CPNE8: variants seen among roughly 807,000 people sequenced by gnomAD.
CPNE8 encodes the protein copine-8.
In CPNE8, 45 loss-of-function variants were observed where a neutral mutation model predicts 81.5. The ratio of observed to expected loss-of-function variants is 0.55; its 90% CI spans 0.44 to 0.71. The LOEUF (loss-of-function observed/expected upper bound fraction) is 0.71. CPNE8 is among the 30% of genes least tolerant of loss of function. CPNE8 has a pLI of 0.00. For missense variants in CPNE8, 594 were observed against 672.1 expected (o/e 0.88, Z 1.28); for synonymous variants, 252 against 226.3 (o/e 1.11, Z -1.02).
At chr12:38,675,481 T>C (rs534978948) in intron 18 of CPNE8, among the ~76,000 whole-genome samples, 6 of 152,316 alleles carry the variant, frequency 3.9e-5, no homozygotes, top group African/African-American at 1.2e-4. Context: ...AAATAATCTA[T>C]AAACTAGAGA....
At chr12:38,762,324 G>A (rs569021094) in intron 8 of CPNE8, 108 bp from the exon 9 acceptor site, 221 of 472,396 alleles carry the variant, frequency 4.7e-4, no homozygotes, top group East Asian at 6.5e-4. Flanking sequence ...AGTCAGTTCC[G>A]CTGTTGCTGC....
intron 13 of CPNE8, among the ~76,000 whole-genome samples, chr12:38,709,788 C>G (rs576712907): frequency 6.6e-6 from 1 of 152,220 alleles, no homozygotes; most frequent in Non-Finnish European, 1.5e-5. Flanking sequence ...AATAAGGTAC[C>G]AATCTGTTCA....
chr12:38,778,774 C>A (rs1008536448), intron 6 of CPNE8, among the ~76,000 whole-genome samples: 1 of 152,160 alleles, frequency 6.6e-6, no homozygotes. Context: ...GCAATATTCA[C>A]GACATAAACC....
At chr12:38,855,716 T>C (rs892220665) in intron 3 of CPNE8, among the ~76,000 whole-genome samples, 2 of 152,096 alleles carry the variant, frequency 1.3e-5, no homozygotes, top group African/African-American at 2.4e-5. Flanking sequence ...AAGACAAAAT[T>C]TTAAATGTTT....
chr12:38,786,746 A>T (rs1014679941), intron 6 of CPNE8, among the ~76,000 whole-genome samples: 1 of 152,190 alleles, frequency 6.6e-6, no homozygotes, highest in African/African-American at 2.4e-5. Flanking sequence ...GAGACAAAGA[A>T]GGTCACTATA....
At chr12:38,735,111 G>T (rs1378785516) in intron 10 of CPNE8, among the ~76,000 whole-genome samples, 1 of 151,974 alleles carries the variant, frequency 6.6e-6, no homozygotes. Context: ...TTTTCTCATG[G>T]GGAACAACAC....
At chr12:38,888,775 C>A (rs1381349644) in intron 1 of CPNE8, among the ~76,000 whole-genome samples, 1 of 151,782 alleles carries the variant, frequency 6.6e-6, no homozygotes, top group South Asian at 2.1e-4. Flanking sequence ...CCTAAAAAAA[C>A]CACTGAATGA....
chr12:38,716,016 A>C (rs1330349225), intron 13 of CPNE8, among the ~76,000 whole-genome samples: 3 of 152,120 alleles, frequency 2.0e-5, no homozygotes, highest in Non-Finnish European at 2.9e-5. Context: ...GCTGAGAATC[A>C]TATCAAGAAC....
chr12:38,672,008 T>C (rs533922413), intron 18 of CPNE8, among the ~76,000 whole-genome samples: 1 of 152,294 alleles, frequency 6.6e-6, no homozygotes, highest in South Asian at 2.1e-4. Context: ...ATATAACTCA[T>C]TATGTTCAAA....
At chr12:38,741,752 A>G (rs1226250967) in intron 10 of CPNE8, among the ~76,000 whole-genome samples, 1 of 152,182 alleles carries the variant, frequency 6.6e-6, no homozygotes, top group African/African-American at 2.4e-5. Flanking sequence ...AGAATGGGAG[A>G]AAATTTTTGC....
Position 38,766,366 on chromosome 12 carries a change from AT to A in CPNE8, c.575+1268del, listed in dbSNP as rs201827028. Among the ~76,000 whole-genome samples, 878 of 152,248 alleles carry A rather than the reference AT, an allele frequency of 5.8e-3. 4 individuals carry two copies. Among genetic ancestry groups the A allele is most frequent in the Middle Eastern group, 0.01 (3 of 294 alleles). On this transcript the variant is annotated intron_variant, in intron 8 of 19. Coordinates refer to ENST00000331366, the MANE Select transcript of CPNE8 (RefSeq NM_153634.3). ...AGAATCATTCTTGAGGTTTTCCTCTATTTTCGAAATGCCTGGCAAATATTAT... is the reference window on the plus strand; with the variant it reads ...AGAATCATTCTTGAGGTTTTCCTCTATTTCGAAATGCCTGGCAAATATTAT...
chr12:38,814,790 AC>A (rs1328011067), intron 6 of CPNE8, among the ~76,000 whole-genome samples: 2 of 152,138 alleles, frequency 1.3e-5, no homozygotes, highest in Non-Finnish European at 2.9e-5. Context: ...AACTATAGTA[AC>A]ACTAATTATA....
At chr12:38,816,734 G>C (rs1943030451) in intron 6 of CPNE8, among the ~76,000 whole-genome samples, 1 of 152,170 alleles carries the variant, frequency 6.6e-6, no homozygotes, top group Admixed American at 6.5e-5. Context: ...GAATGTAGCT[G>C]TATTTGTGAA....
intron 1 of CPNE8, among the ~76,000 whole-genome samples, chr12:38,880,362 G>C (rs1944134430): frequency 6.6e-6 from 1 of 152,172 alleles, no homozygotes; most frequent in Non-Finnish European, 1.5e-5. Flanking sequence ...CACATAAGTG[G>C]GGCCCGTTGA....
At chr12:38,873,731 T>C (rs1277750435) in intron 2 of CPNE8, among the ~76,000 whole-genome samples, 1 of 152,194 alleles carries the variant, frequency 6.6e-6, no homozygotes, top group Admixed American at 6.5e-5. Context: ...TTTGTAGAGA[T>C]AGAGAACTGT....
intron 10 of CPNE8, among the ~76,000 whole-genome samples, chr12:38,749,638 G>C (rs1941310370): frequency 6.6e-6 from 1 of 152,182 alleles, no homozygotes; most frequent in Non-Finnish European, 1.5e-5. Flanking sequence ...TTTTAGCAAA[G>C]AGACTGGCGG....
intron 6 of CPNE8, among the ~76,000 whole-genome samples, chr12:38,776,727 C>A (rs1018586438): frequency 6.6e-6 from 1 of 151,998 alleles, no homozygotes; most frequent in Non-Finnish European, 1.5e-5. Context: ...AATAGTTATG[C>A]ATCATCTAAT....
intron 16 of CPNE8, among the ~76,000 whole-genome samples, chr12:38,683,993 ATT>A: frequency 1.3e-5 from 2 of 152,168 alleles, no homozygotes; most frequent in South Asian, 2.1e-4. Context: ...ACCAGAAAAA[ATT>A]ATGAAATTAC....
intron 16 of CPNE8, among the ~76,000 whole-genome samples, chr12:38,685,122 A>G (rs767561143): frequency 3.3e-4 from 50 of 152,228 alleles, no homozygotes; most frequent in Non-Finnish European, 5.0e-4. Context: ...TACTACTTCT[A>G]TGCTACTTAT....
Sources: gnomAD v4.1 joint callset for allele counts (sites outside exome capture counted in the v4.1 genomes callset) on GRCh38, gnomAD v4.1.1 for gene constraint, MANE v1.5 for transcripts, NCBI Gene and HGNC (gene_info 2026-07-23, HGNC 2026-07-21) for gene names.